Variants in IKZF1 observed in about 807,000 individuals in gnomAD.
IKZF1 encodes DNA-binding protein Ikaros.
A neutral mutation model predicts 51.7 loss-of-function variants in IKZF1; 10 were observed. That is an observed-to-expected ratio of 0.19 (90% CI 0.12 to 0.33). IKZF1 has a LOEUF of 0.33. Among genes scored for constraint, IKZF1 ranks in the 10% least tolerant of loss-of-function variants. The probability of loss-of-function intolerance (pLI) is 1.00; values close to 1 mark genes in which losing one functional copy is unlikely to be tolerated. For synonymous variants in IKZF1, 280 were observed against 282.3 expected (o/e 0.99, Z 0.08); for missense variants, 484 against 707.5 (o/e 0.68, Z 3.58).
chr7:50,376,863 C>G lies in IKZF1; in HGVS notation c.421+70C>G, dbSNP rs569690048. On this transcript the variant is annotated intron_variant, in intron 4 of 7. Coordinates refer to ENST00000331340, the MANE Select transcript of IKZF1 (RefSeq NM_006060.6). The surrounding 1 kb of genome is among the most constrained non-coding windows in gnomAD (Gnocchi z 4.5). ...CATGGGGTTTGAAGGAGGAAAGCATCCTGTCTTCCTTGTGTTCTGAGCATG... is the reference window on the plus strand; with the variant it reads ...CATGGGGTTTGAAGGAGGAAAGCATGCTGTCTTCCTTGTGTTCTGAGCATG... The G allele has an allele frequency of 9.6e-5, 152 of 1,575,236 alleles. 1 individual carries two copies. Among genetic ancestry groups the G allele is most frequent in the Non-Finnish European group, 1.2e-4 (145 of 1,160,030 alleles).
intron 2 of IKZF1, among the ~76,000 whole-genome samples, chr7:50,326,289 A>G (rs117216446): frequency 2.6e-4 from 40 of 152,336 alleles, no homozygotes; most frequent in Non-Finnish European, 4.3e-4. Flanking sequence ...TCAAAAATCT[A>G]GGTTTGTCTA....
chr7:50,318,370 G>C (rs7802443), intron 1 of IKZF1: 93,197 of 227,426 alleles, frequency 0.41, 19,788 homozygotes, highest in East Asian at 0.54. Flanking sequence ...GGCTCGGGCT[G>C]TCTCCTGGGC....
chr7:50,335,222 GTGTA>G (rs1212562914), intron 3 of IKZF1, among the ~76,000 whole-genome samples: 1 of 149,838 alleles, frequency 6.7e-6, no homozygotes, highest in Non-Finnish European at 1.5e-5. Context: ...GATGTATGGT[GTGTA>G]TGTGTGTGAG....
chr7:50,329,829 G>A (rs941256596), intron 3 of IKZF1, among the ~76,000 whole-genome samples: 3 of 152,224 alleles, frequency 2.0e-5, no homozygotes, highest in East Asian at 3.8e-4. Flanking sequence ...TCGGGTCGCT[G>A]TGGAGAAAGA....
intron 3 of IKZF1, among the ~76,000 whole-genome samples, chr7:50,336,367 G>A (rs1360365185): frequency 1.3e-5 from 2 of 152,154 alleles, no homozygotes; most frequent in African/African-American, 2.4e-5. Context: ...GTCACATCTC[G>A]GCTGTCCCCT....
At chr7:50,357,175 C>T (rs1803677092) in intron 3 of IKZF1, among the ~76,000 whole-genome samples, 1 of 152,020 alleles carries the variant, frequency 6.6e-6, no homozygotes. Context: ...TCCATCCCAA[C>T]CCCAGACCAG....
chr7:50,375,128 T>C (rs1483542893), intron 3 of IKZF1, among the ~76,000 whole-genome samples: 1 of 152,090 alleles, frequency 6.6e-6, no homozygotes, highest in Non-Finnish European at 1.5e-5. Context: ...TGATCAAAAA[T>C]TATGTGGTCT....
chr7:50,384,492 G>T (rs1584938278), intron 5 of IKZF1, among the ~76,000 whole-genome samples: 1 of 152,386 alleles, frequency 6.6e-6, no homozygotes, highest in East Asian at 1.9e-4. Context: ...CAGATCAGCA[G>T]GGGGGCCATG....
At chr7:50,341,775 G>T (rs1799123668) in intron 3 of IKZF1, among the ~76,000 whole-genome samples, 2 of 151,920 alleles carry the variant, frequency 1.3e-5, no homozygotes, top group Non-Finnish European at 2.9e-5. Flanking sequence ...CTCAATATAA[G>T]CAATTGTTAA....
chr7:50,330,898 G>C (rs1298973106), intron 3 of IKZF1, among the ~76,000 whole-genome samples: 2 of 152,120 alleles, frequency 1.3e-5, no homozygotes, highest in Non-Finnish European at 1.5e-5. Flanking sequence ...GGCGGAGAGT[G>C]CCCTGTGGGT....
chr7:50,391,066 A>C (rs939729395), intron 6 of IKZF1, among the ~76,000 whole-genome samples: 2 of 152,254 alleles, frequency 1.3e-5, no homozygotes, highest in East Asian at 3.8e-4. Context: ...GCAGGATACA[A>C]AGTTGTATCT....
intron 3 of IKZF1, among the ~76,000 whole-genome samples, chr7:50,360,066 G>A (rs902884815): frequency 6.6e-6 from 1 of 152,136 alleles, no homozygotes; most frequent in Non-Finnish European, 1.5e-5. Context: ...GATTAAGAGG[G>A]CAACTGAGTT....
At chr7:50,348,710 C>T (rs1801023538) in intron 3 of IKZF1, among the ~76,000 whole-genome samples, 1 of 152,196 alleles carries the variant, frequency 6.6e-6, no homozygotes, top group Non-Finnish European at 1.5e-5. Flanking sequence ...ACAAACAAGG[C>T]AGCACTTGAG....
intron 3 of IKZF1, among the ~76,000 whole-genome samples, chr7:50,329,843 G>GCA: frequency 6.6e-6 from 1 of 152,228 alleles, no homozygotes; most frequent in Non-Finnish European, 1.5e-5. Context: ...AGAAAGAGAT[G>GCA]GGCTCTCCCT....
chr7:50,314,445 G>A (rs1464169101), intron 1 of IKZF1, among the ~76,000 whole-genome samples: 2 of 152,210 alleles, frequency 1.3e-5, no homozygotes, highest in African/African-American at 4.8e-5. Flanking sequence ...GAATTACTGT[G>A]TGCTACCAAC....
intron 3 of IKZF1, among the ~76,000 whole-genome samples, chr7:50,335,941 G>T (rs1030441104): frequency 6.6e-6 from 1 of 152,096 alleles, no homozygotes; most frequent in East Asian, 1.9e-4. Flanking sequence ...CCCCTCACCC[G>T]ATCCTGGCTG....
intron 3 of IKZF1, among the ~76,000 whole-genome samples, chr7:50,342,613 A>G (rs1799307904): frequency 6.6e-6 from 1 of 151,962 alleles, no homozygotes; most frequent in Non-Finnish European, 1.5e-5. Context: ...TTGCAACCTG[A>G]TAAAGCAACC....
chr7:50,370,319 AG>A (rs1295562660), intron 3 of IKZF1, among the ~76,000 whole-genome samples: 1 of 152,236 alleles, frequency 6.6e-6, no homozygotes, highest in Non-Finnish European at 1.5e-5. Flanking sequence ...TTCATTGGTC[AG>A]GTGGGGACTA....
At chr7:50,343,223 C>G (rs1584622633) in intron 3 of IKZF1, among the ~76,000 whole-genome samples, 2 of 123,292 alleles carry the variant, frequency 1.6e-5, no homozygotes, top group South Asian at 3.1e-4. Flanking sequence ...CCTTCCCCTC[C>G]CCTCCCTCCC....
Sources: gnomAD v4.1 joint callset for allele counts (sites outside exome capture counted in the v4.1 genomes callset) on GRCh38, gnomAD v4.1.1 for gene constraint, Gnocchi (gnomAD v3.1) non-coding constraint, MANE v1.5 for transcripts, NCBI Gene and HGNC (gene_info 2026-07-23, HGNC 2026-07-21) for gene names.